The following USP42 variants were observed in gnomAD, a reference collection of about 807,000 sequenced individuals.
USP42 encodes ubiquitin carboxyl-terminal hydrolase 42.
Under a neutral mutation model 113.0 loss-of-function variants are expected in USP42, and 23 were observed. The observed-to-expected ratio is 0.20, with a 90% CI of 0.15 to 0.29. USP42 has a LOEUF of 0.29. USP42 is among the 10% of genes least tolerant of loss of function. The probability of loss-of-function intolerance (pLI) is 1.00; values close to 1 mark genes in which losing one functional copy is unlikely to be tolerated. For missense variants in USP42, 2,174 were observed against 1,779.8 expected, an observed-to-expected ratio of 1.22 and a Z score of -3.99; for synonymous variants, 933 against 699.0, an observed-to-expected ratio of 1.33 and a Z score of -5.28.
chr7:6,126,282 C>T (rs1244410950), intron 3 of USP42, among the ~76,000 whole-genome samples: 1 of 150,396 alleles, frequency 6.6e-6, no homozygotes, highest in Non-Finnish European at 1.5e-5. Flanking sequence ...GGATACGCCA[C>T]AGTTTCTTTT....
intron 10 of USP42, 116 bp downstream of exon 10, chr7:6,145,772 T>A: frequency 8.3e-7 from 1 of 1,206,782 alleles, no homozygotes; most frequent in Non-Finnish European, 1.2e-6. Flanking sequence ...ATACCCGAGG[T>A]AAAAATATTT....
At chr7:6,095,627 C>G in the USP42 span, among the ~76,000 whole-genome samples, 1 of 151,026 alleles carries the variant, frequency 6.6e-6, no homozygotes, top group Non-Finnish European at 1.5e-5. Flanking sequence ...TGAGATTGCG[C>G]CACTGCACTC....
At chr7:6,149,522 G>A in intron 12 of USP42, 61 bp from the exon 13 acceptor site, 3 of 1,534,510 alleles carry the variant, frequency 2.0e-6, no homozygotes, top group Non-Finnish European at 2.6e-6. Flanking sequence ...AGCCAAAATG[G>A]GTTCTGTTTG....
chr7:6,103,108 C>T (rs1790179709), upstream of USP42, among the ~76,000 whole-genome samples: 1 of 150,924 alleles, frequency 6.6e-6, no homozygotes, highest in African/African-American at 2.5e-5. Flanking sequence ...GAAGCAGGCT[C>T]ATGGTGGAGG....
chr7:6,151,922 G>A (rs1782079342), intron 14 of USP42, among the ~76,000 whole-genome samples: 2 of 152,060 alleles, frequency 1.3e-5, no homozygotes, highest in South Asian at 2.1e-4. Context: ...CTTATGGACC[G>A]CCATCATATG....
the USP42 span, chr7:6,081,825 C>A: frequency 6.6e-6 from 1 of 152,182 alleles, no homozygotes; most frequent in African/African-American, 2.4e-5. Context: ...GAAACCTGAT[C>A]TCGTTCTTTC....
chr7:6,127,254 A>G (rs1299121538), intron 3 of USP42, among the ~76,000 whole-genome samples: 1 of 152,164 alleles, frequency 6.6e-6, no homozygotes, highest in Non-Finnish European at 1.5e-5. Context: ...GTCTTCATCC[A>G]CTTAGTGGTT....
At chr7:6,143,104 G>A in intron 8 of USP42, 90 bp downstream of exon 8, 8 of 1,330,734 alleles carry the variant, frequency 6.0e-6, no homozygotes, top group Middle Eastern at 1.8e-4. Context: ...GTGTGTCTAG[G>A]TTGCTTGAGT....
At chr7:6,103,726 C>A (rs1430229108), upstream of USP42, among the ~76,000 whole-genome samples, 6 of 125,460 alleles carry the variant, frequency 4.8e-5, no homozygotes, top group East Asian at 2.2e-4. Flanking sequence ...CATAGCGAGA[C>A]CCCCGTCTCT....
At chr7:6,148,517 G>C (rs1781848634) in intron 12 of USP42, among the ~76,000 whole-genome samples, 1 of 152,196 alleles carries the variant, frequency 6.6e-6, no homozygotes, top group African/African-American at 2.4e-5. Flanking sequence ...GCAGGAAAGC[G>C]ATCTGTTTAC....
chr7:6,121,200 G>T (rs1224879878), intron 3 of USP42, among the ~76,000 whole-genome samples: 2 of 151,998 alleles, frequency 1.3e-5, no homozygotes, highest in African/African-American at 4.8e-5. Flanking sequence ...GAGGTGATAA[G>T]AGTAAAAATC....
intron 3 of USP42, among the ~76,000 whole-genome samples, chr7:6,124,788 TTTTA>T (rs1246006028): frequency 2.0e-5 from 3 of 152,330 alleles, no homozygotes; most frequent in South Asian, 2.1e-4. Context: ...TGATATATGA[TTTTA>T]TTTAATCTGC....
intron 11 of USP42, 35 bp downstream of exon 11, chr7:6,146,283 G>A (rs1371618638): frequency 1.3e-5 from 17 of 1,288,398 alleles, no homozygotes; most frequent in Admixed American, 2.5e-5. Context: ...AGATTTTCTG[G>A]TATGTCATTT....
intron 11 of USP42, 111 bp from the exon 12 acceptor site, chr7:6,147,628 T>A: frequency 7.7e-7 from 1 of 1,291,408 alleles, no homozygotes; most frequent in Non-Finnish European, 1.0e-6. Context: ...AAACATGCTA[T>A]TTTTTTCATC....
At chr7:6,129,503 G>C (rs1208308591) in intron 3 of USP42, among the ~76,000 whole-genome samples, 1 of 148,478 alleles carries the variant, frequency 6.7e-6, no homozygotes, top group African/African-American at 2.5e-5. Flanking sequence ...GTTGTGGTGA[G>C]CCAAGATTGT....
chr7:6,081,268 G>A, the USP42 span: 1 of 152,160 alleles, frequency 6.6e-6, no homozygotes, highest in East Asian at 1.9e-4. Context: ...GCGGCTAACG[G>A]AGGTGAGCTG....
At chr7:6,123,919 A>G (rs1002679312) in intron 3 of USP42, among the ~76,000 whole-genome samples, 10 of 150,056 alleles carry the variant, frequency 6.7e-5, no homozygotes, top group Non-Finnish European at 1.3e-4. Flanking sequence ...TTTGTCACCT[A>G]TGCTGGAGTG....
intron 3 of USP42, among the ~76,000 whole-genome samples, chr7:6,135,401 A>G (rs989842389): frequency 4.6e-4 from 70 of 152,280 alleles, no homozygotes; most frequent in African/African-American, 1.6e-3. Context: ...TAATCCCAGC[A>G]CTTTGGGAGG....
intron 3 of USP42, among the ~76,000 whole-genome samples, chr7:6,132,879 A>G (rs1780928188): frequency 6.6e-6 from 1 of 152,074 alleles, no homozygotes; most frequent in Non-Finnish European, 1.5e-5. Context: ...TCACCGTGTT[A>G]GCCAGGATGG....
Sources: gnomAD v4.1 joint callset for allele counts (sites outside exome capture counted in the v4.1 genomes callset) on GRCh38, gnomAD v4.1.1 for gene constraint, MANE v1.5 for transcripts, NCBI Gene and HGNC (gene_info 2026-07-23, HGNC 2026-07-21) for gene names.